Variants in GPRC5A observed in about 807,000 individuals in gnomAD.
GPRC5A encodes the protein G protein-coupled receptor class C group 5 member A.
Under a neutral mutation model 22.5 loss-of-function variants are expected in GPRC5A, and 19 were observed. The ratio of observed to expected loss-of-function variants is 0.85; its 90% CI spans 0.59 to 1.24. The LOEUF is 1.24. GPRC5A is among the 50% of genes most tolerant of loss of function. GPRC5A has a pLI of 0.00. For synonymous variants in GPRC5A, 192 were observed against 184.5 expected, an observed-to-expected ratio of 1.04 and a Z score of -0.33; for missense variants, 471 against 451.1, an observed-to-expected ratio of 1.04 and a Z score of -0.40.
In GPRC5A at chr12:12,915,760, GA is replaced by G. The variant is rs1864057842; in HGVS notation, c.*3222del. On this transcript the variant is annotated 3_prime_UTR_variant, in exon 4 of 4. Transcript: ENST00000014914. ...CTACCTTGGCCTCTGAAAGTGCTGG[GA>G]TACCGTGGCCTCTGAAAGTGCTGGG... 1 of 419,050 alleles carries G rather than the reference GA, an allele frequency of 2.4e-6. No homozygotes were observed. The highest frequency in any genetic ancestry group is 5.1e-6 in the Non-Finnish European group (1 of 196,208). 26.0% of individuals were successfully genotyped at this position (419,050 alleles called of 1,614,324 possible).
intron 2 of GPRC5A, among the ~76,000 whole-genome samples, chr12:12,910,154 A>G (rs944807555): frequency 6.6e-6 from 1 of 152,070 alleles, no homozygotes; most frequent in Non-Finnish European, 1.5e-5. Flanking sequence ...GATAGGAATG[A>G]GGAACCTCCA....
At chr12:12,893,874 G>C (rs994089074) in intron 1 of GPRC5A, among the ~76,000 whole-genome samples, 17 of 152,140 alleles carry the variant, frequency 1.1e-4, no homozygotes, top group Non-Finnish European at 1.8e-4. Context: ...CCATTCTCCT[G>C]CCTCAGGCTC....
intron 2 of GPRC5A, among the ~76,000 whole-genome samples, chr12:12,910,902 G>T (rs1394019260): frequency 1.4e-5 from 2 of 138,970 alleles, no homozygotes; most frequent in Admixed American, 7.8e-5. Flanking sequence ...ACAGAGTCTC[G>T]CTCTGTCACC....
At chr12:12,908,043 C>G (rs1332121239) in intron 1 of GPRC5A, among the ~76,000 whole-genome samples, 200 bp from the exon 2 acceptor site, 1 of 152,148 alleles carries the variant, frequency 6.6e-6, no homozygotes, top group East Asian at 1.9e-4. Context: ...GGATTTCTTC[C>G]TGGTTCTTCA....
intron 2 of GPRC5A, among the ~76,000 whole-genome samples, chr12:12,911,018 G>T (rs983474036): frequency 6.6e-6 from 1 of 151,604 alleles, no homozygotes; most frequent in Non-Finnish European, 1.5e-5. Context: ...TTACAGACGT[G>T]CACCATTATG....
At position 12,912,760 on chromosome 12, in the gene GPRC5A, T is replaced by C. The variant is rs7311670; in HGVS notation, c.*221T>C. Reference sequence around the variant, plus strand: ...GCGCTGTAGTATTTTTTTTTTTTTGTCTCATCCTTTGGATACTTCTTTTAA... The same window carrying C: ...GCGCTGTAGTATTTTTTTTTTTTTGCCTCATCCTTTGGATACTTCTTTTAA... On this transcript the variant is annotated 3_prime_UTR_variant, in exon 4 of 4. Transcript: ENST00000014914. 6.0e-4 allele frequency: 300 copies of C among 499,730 alleles called. No individual in the cohort carries two copies. The highest frequency in any genetic ancestry group is 5.6e-3 in the African/African-American group (277 of 49,776). 31.0% of individuals were successfully genotyped at this position (499,730 alleles called of 1,614,324 possible).
chr12:12,909,017 C>T lies in GPRC5A; in HGVS notation c.768C>T (p.Phe256=). 1 of 1,613,784 alleles carries T rather than the reference C, an allele frequency of 6.2e-7. No homozygotes were observed. The highest frequency in any genetic ancestry group is 8.5e-7 in the Non-Finnish European group (1 of 1,180,016). Residue 256 remains phenylalanine (F), a synonymous_variant, in exon 2 of 4, where the codon TTC becomes TTT. Coordinates refer to ENST00000014914, the MANE Select transcript of GPRC5A (RefSeq NM_003979.4). ...CCTTGGCTGCCAATGGCTGGGTGTTCCTGTTGGCTTATGTTAGTCCCGAGT... is the reference window on the plus strand; with the variant it reads ...CCTTGGCTGCCAATGGCTGGGTGTTTCTGTTGGCTTATGTTAGTCCCGAGT... The part of the protein sequence containing the change: ...SSALAANGWV[F]LLAYVSPEFW...
Position 12,908,832 on chromosome 12 carries a change from T to C in GPRC5A, c.583T>C (p.Ser195Pro). ...LFLMALTFLMSSFTFCGSFTG... is the reference protein window; with the variant it reads ...LFLMALTFLMPSFTFCGSFTG... The stretch of plus-strand genomic sequence containing the variant: ...CTTGATGGCGCTGACCTTCCTCATG[T>C]CCTCCTTCACCTTCTGTGGTTCCTT... The change falls in exon 2 of 4, where the codon TCC becomes CCC. Residue 195 changes from serine (S) to proline (P), a missense_variant. By Grantham distance (74) the Ser-to-Pro change is moderately conservative (BLOSUM62 -1). Transcript: ENST00000014914. 6.2e-7 allele frequency: 1 copy of C among 1,614,138 alleles called. No individual in the cohort carries two copies. The highest frequency in any genetic ancestry group is 1.1e-5 in the South Asian group (1 of 91,076).
intron 1 of GPRC5A, among the ~76,000 whole-genome samples, chr12:12,901,179 C>T (rs2136457840): frequency 6.6e-6 from 1 of 152,254 alleles, no homozygotes; most frequent in Admixed American, 6.5e-5. Context: ...ACATTACCAT[C>T]TCCCTCCAAA....
chr12:12,895,370 T>G (rs11055134), intron 1 of GPRC5A, among the ~76,000 whole-genome samples: 17,030 of 131,736 alleles, frequency 0.13, 1,191 homozygotes, highest in South Asian at 0.23. Context: ...TGATATAGTT[T>G]AGTCTTTTTT....
chr12:12,908,671 T>C lies in GPRC5A; in HGVS notation c.422T>C (p.Phe141Ser). Residue 141 changes from phenylalanine (F) to serine (S), a missense_variant, in exon 2 of 4, where the codon TTC becomes TCC. Phe to Ser is a radical substitution (Grantham distance 155, BLOSUM62 -2). Coordinates refer to ENST00000014914, the MANE Select transcript of GPRC5A (RefSeq NM_003979.4). ...GTGATTCTGGGTCTGGCCGTGGGCT[T>C]CAGCCTAGTCCAGGATGTTATCGCT... ...LLVILGLAVGFSLVQDVIAIE... is the reference protein window; with the variant it reads ...LLVILGLAVGSSLVQDVIAIE... The C allele has an allele frequency of 6.2e-7, 1 of 1,614,008 alleles. No homozygotes were observed. Among genetic ancestry groups the C allele is most frequent in the Non-Finnish European group, 8.5e-7 (1 of 1,179,894 alleles).
chr12:12,911,980 C>T, intron 2 of GPRC5A, 104 bp from the exon 3 acceptor site: 1 of 726,870 alleles, frequency 1.4e-6, no homozygotes, highest in South Asian at 1.6e-5. Context: ...GCTGGAGAGA[C>T]AGGCAATTAA....
intron 1 of GPRC5A, among the ~76,000 whole-genome samples, chr12:12,895,821 CAAA>C (rs34696528): frequency 9.3e-5 from 7 of 75,648 alleles, no homozygotes; most frequent in Admixed American, 1.8e-4. Context: ...ACTAAAAATA[CAAA>C]AAAAAAAAAA....
intron 2 of GPRC5A, among the ~76,000 whole-genome samples, chr12:12,911,638 G>A (rs1322592091): frequency 1.3e-5 from 2 of 151,874 alleles, no homozygotes; most frequent in Non-Finnish European, 2.9e-5. Flanking sequence ...ACAGGTGCCC[G>A]CCACCACGCC....
chr12:12,898,483 A>G (rs143895186), intron 1 of GPRC5A, among the ~76,000 whole-genome samples: 2,709 of 152,070 alleles, frequency 0.018, 62 homozygotes, highest in African/African-American at 0.056. Context: ...GTGAGCTGTG[A>G]TTGTGCCATT....
intron 2 of GPRC5A, among the ~76,000 whole-genome samples, chr12:12,911,015 C>T (rs183428509): frequency 2.6e-5 from 4 of 151,724 alleles, no homozygotes; most frequent in East Asian, 2.0e-4. Context: ...GGATTACAGA[C>T]GTGCACCATT....
rs1463435599 is a variant in GPRC5A, at chr12:12,914,278, G to A, written c.*1739G>A. The A allele has an allele frequency of 6.5e-6, 1 of 153,112 alleles. No individual in the cohort carries two copies. Among genetic ancestry groups the A allele is most frequent in the Non-Finnish European group, 1.5e-5 (1 of 68,066 alleles). The allele number at this position is 153,112 out of a possible 1,614,324, so 9.5% of individuals were successfully genotyped here. On this transcript the variant is annotated 3_prime_UTR_variant, in exon 4 of 4. Coordinates refer to ENST00000014914, the MANE Select transcript of GPRC5A (RefSeq NM_003979.4). ...AGAGGCGAGGGAGGTGGAGGTGAGT[G>A]GATGATGTGCTGAGTTAGGGATGTT... is the stretch of plus-strand genomic sequence containing the variant.
chr12:12,909,312 C>T (rs926938727), intron 2 of GPRC5A, 141 bp downstream of exon 2: 5 of 667,764 alleles, frequency 7.5e-6, no homozygotes, highest in African/African-American at 7.2e-5. Flanking sequence ...AGGCTCAGAT[C>T]TTGCTTAAAG....
rs144394455 is a variant in GPRC5A at position 12,912,967 on chromosome 12, G to A, written c.*428G>A. 969 of 162,316 alleles carry A rather than the reference G, an allele frequency of 6.0e-3. 9 individuals carry two copies. The highest frequency in any genetic ancestry group is 0.047 in the Middle Eastern group (15 of 322). 10.1% of individuals were successfully genotyped at this position (162,316 alleles called of 1,614,324 possible). On this transcript the variant is annotated 3_prime_UTR_variant, in exon 4 of 4. Coordinates refer to ENST00000014914, the MANE Select transcript of GPRC5A (RefSeq NM_003979.4). ...CTCCCAAAGTGCTGGGATGACAGGC[G>A]TGAGCCACAGCTCCCAGCCTAGGCC...
Sources: allele counts gnomAD v4.1 joint callset (sites outside exome capture counted in the v4.1 genomes callset), GRCh38; gene constraint gnomAD v4.1.1; transcripts MANE v1.5; gene names NCBI Gene and HGNC (gene_info 2026-07-23, HGNC 2026-07-21).